Variants in AUTS2 observed in about 807,000 individuals in gnomAD.
The protein encoded by AUTS2 is activator of transcription and developmental regulator AUTS2.
A neutral mutation model predicts 112.4 loss-of-function variants in AUTS2; 17 were observed. The observed-to-expected ratio is 0.15, with a 90% CI of 0.10 to 0.23. The LOEUF (loss-of-function observed/expected upper bound fraction) is 0.23. Among genes scored for constraint, AUTS2 ranks in the 10% least tolerant of loss-of-function variants. AUTS2 has a pLI of 1.00. For missense variants in AUTS2, 1,510 were observed against 1,701.6 expected (o/e 0.89, Z 1.98); for synonymous variants, 751 against 702.7 (o/e 1.07, Z -1.09).
intron 4 of AUTS2, among the ~76,000 whole-genome samples, chr7:70,401,967 C>T (rs1040417216): frequency 1.9e-4 from 29 of 152,222 alleles, no homozygotes; most frequent in Non-Finnish European, 1.3e-4. Flanking sequence ...ACACTATTCC[C>T]CCCAGGTTTC....
intron 1 of AUTS2, among the ~76,000 whole-genome samples, chr7:69,779,139 T>C (rs1789033314): frequency 6.6e-6 from 1 of 150,784 alleles, no homozygotes; most frequent in East Asian, 2.0e-4. Context: ...GTGATCCGTC[T>C]CTGCCTCCCA....
intron 2 of AUTS2, among the ~76,000 whole-genome samples, chr7:70,114,418 A>G (rs1805249647): frequency 7.1e-6 from 1 of 141,506 alleles, no homozygotes; most frequent in East Asian, 2.1e-4. Flanking sequence ...AATAGCTGGG[A>G]ATTTCAGGTG....
At chr7:70,458,558 TTAG>T (rs1395432643) in intron 5 of AUTS2, among the ~76,000 whole-genome samples, 1 of 152,226 alleles carries the variant, frequency 6.6e-6, no homozygotes. Context: ...CCGGGCTTTC[TTAG>T]TAGGTGAATT....
chr7:69,695,405 G>A (rs1353057307), intron 1 of AUTS2, among the ~76,000 whole-genome samples: 2 of 151,850 alleles, frequency 1.3e-5, no homozygotes, highest in East Asian at 1.9e-4. Context: ...TTTCAGGTTG[G>A]TCATATAGAG....
chr7:70,434,167 T>G (rs1795795269), intron 4 of AUTS2, among the ~76,000 whole-genome samples: 1 of 152,220 alleles, frequency 6.6e-6, no homozygotes. Flanking sequence ...ACAAAATTGT[T>G]TCTAGAGCCC....
chr7:70,444,294 G>C (rs778209822), intron 5 of AUTS2, among the ~76,000 whole-genome samples: 2 of 151,776 alleles, frequency 1.3e-5, no homozygotes, highest in Non-Finnish European at 2.9e-5. Context: ...CTGTATTAGG[G>C]TTGCAGAGTG....
At chr7:70,574,267 A>T (rs1473331044) in intron 5 of AUTS2, among the ~76,000 whole-genome samples, 1 of 152,198 alleles carries the variant, frequency 6.6e-6, no homozygotes, top group Non-Finnish European at 1.5e-5. Context: ...TAACATCTGA[A>T]AAAAGGTCTT....
At chr7:70,656,465 T>A (rs1321114714) in intron 5 of AUTS2, among the ~76,000 whole-genome samples, 1 of 152,210 alleles carries the variant, frequency 6.6e-6, no homozygotes, top group Non-Finnish European at 1.5e-5. Context: ...ACAGCAAGAA[T>A]TGATTTAATC....
intron 1 of AUTS2, among the ~76,000 whole-genome samples, chr7:69,819,155 C>T (rs550282222): frequency 2.4e-3 from 360 of 152,230 alleles, no homozygotes; most frequent in Non-Finnish European, 4.2e-3. Flanking sequence ...GACTTTTGAA[C>T]GGAAGGGAAT....
intron 2 of AUTS2, among the ~76,000 whole-genome samples, chr7:70,086,719 A>G (rs1164502800): frequency 6.6e-6 from 1 of 150,530 alleles, no homozygotes; most frequent in Non-Finnish European, 1.5e-5. Context: ...ATCATTATGT[A>G]TTTTTGAAGC....
intron 5 of AUTS2, among the ~76,000 whole-genome samples, chr7:70,439,875 G>A (rs1796054493): frequency 6.6e-6 from 1 of 152,134 alleles, no homozygotes; most frequent in Non-Finnish European, 1.5e-5. Context: ...GTCATTCCCT[G>A]TTCTACCCAC....
At chr7:70,367,244 C>T (rs1792618009) in intron 4 of AUTS2, among the ~76,000 whole-genome samples, 1 of 152,080 alleles carries the variant, frequency 6.6e-6, no homozygotes, top group Non-Finnish European at 1.5e-5. Flanking sequence ...GCCTGGGTAA[C>T]AGAGCGAGAG....
At position 70,764,853 on chromosome 7, in the gene AUTS2, G is replaced by GC; in HGVS notation, c.1321dup (p.Leu441ProfsTer69). Reference sequence around the variant, plus strand: ...TTCCCCCTCTCCCTGCCCAACCACAGCCCCCTGCACAGCTTCACACCCACC... The same window carrying GC: ...TTCCCCCTCTCCCTGCCCAACCACAGCCCCCCTGCACAGCTTCACACCCACC... On this transcript the variant is annotated frameshift_variant, in exon 8 of 19. Coordinates refer to ENST00000342771, the MANE Select transcript of AUTS2 (RefSeq NM_015570.4). LOFTEE classifies it high-confidence loss of function. The GC allele has an allele frequency of 1.1e-6, 1 of 938,972 alleles. No homozygotes were observed. Among genetic ancestry groups the GC allele is most frequent in the Non-Finnish European group, 1.4e-6 (1 of 707,696 alleles). 58.2% of individuals were successfully genotyped at this position (938,972 alleles called of 1,614,324 possible).
At chr7:70,110,859 CTTTTTTTTTTTTTTTTTTTT>C (rs71077618) in intron 2 of AUTS2, among the ~76,000 whole-genome samples, 2 of 82,784 alleles carry the variant, frequency 2.4e-5, no homozygotes, top group African/African-American at 1.0e-4. Context: ...TTCTTTCTTT[CTTTTTTTTTTTTTTTTTTTT>C]TTTTTGAGAG....
intron 2 of AUTS2, among the ~76,000 whole-genome samples, chr7:69,913,783 A>G (rs568874749): frequency 2.2e-4 from 33 of 152,280 alleles, no homozygotes; most frequent in Non-Finnish European, 1.3e-4. Context: ...TGCAGTGCCC[A>G]GTTATCCAGT....
intron 1 of AUTS2, among the ~76,000 whole-genome samples, chr7:69,698,025 A>G (rs529827192): frequency 2.6e-4 from 40 of 152,302 alleles, no homozygotes; most frequent in African/African-American, 8.7e-4. Context: ...ACAGGATGTT[A>G]CTTTTAGAAA....
chr7:70,726,962 A>G (rs1252166159), intron 6 of AUTS2, among the ~76,000 whole-genome samples: 1 of 152,196 alleles, frequency 6.6e-6, no homozygotes, highest in East Asian at 1.9e-4. Context: ...CTAAAGGCAG[A>G]CGCTAGTGAA....
chr7:70,087,666 G>A (rs2129566767), intron 2 of AUTS2, among the ~76,000 whole-genome samples: 1 of 152,218 alleles, frequency 6.6e-6, no homozygotes, highest in Middle Eastern at 3.4e-3. Flanking sequence ...CCTGCGCACA[G>A]CCTATTCTGT....
chr7:70,107,072 C>T (rs556856705), intron 2 of AUTS2, among the ~76,000 whole-genome samples: 1 of 152,098 alleles, frequency 6.6e-6, no homozygotes, highest in Non-Finnish European at 1.5e-5. Flanking sequence ...TGAACAAGTA[C>T]TTTAAAAATT....
Sources: gnomAD v4.1 joint callset for allele counts (sites outside exome capture counted in the v4.1 genomes callset) on GRCh38, gnomAD v4.1.1 for gene constraint, MANE v1.5 for transcripts, NCBI Gene and HGNC (gene_info 2026-07-23, HGNC 2026-07-21) for gene names.